KIF5A: variants seen among roughly 807,000 people sequenced by gnomAD.
KIF5A encodes kinesin family member 5A, also known as kinesin heavy chain isoform 5A.
Under a neutral mutation model 141.3 loss-of-function variants are expected in KIF5A, and 35 were observed. The observed-to-expected ratio is 0.25, with a 90% confidence interval of 0.19 to 0.33. The LOEUF (loss-of-function observed/expected upper bound fraction) is 0.33, where lower values mean the gene tolerates loss of function less well. Ranked by LOEUF, KIF5A falls within the 10% of genes least tolerant of loss-of-function variation. KIF5A has a pLI of 1.00. For synonymous variants in KIF5A, 448 were observed against 500.2 expected (o/e 0.90, Z 1.39); for missense variants, 861 against 1,314.3 (o/e 0.66, Z 5.33).
intron 1 of KIF5A, among the ~76,000 whole-genome samples, chr12:57,558,368 C>T (rs1881808872): frequency 2.0e-5 from 3 of 151,750 alleles, no homozygotes; most frequent in Admixed American, 6.6e-5. Flanking sequence ...GGTGAAACCT[C>T]GTCTCTACTA....
chr12:57,582,878 C>T (rs538213741), intron 27 of KIF5A: 65 of 638,198 alleles, frequency 1.0e-4, no homozygotes, highest in African/African-American at 7.6e-4. Context: ...ACGAAAACAA[C>T]GTGGGCATCT....
At chr12:57,557,508 C>T (rs1005212081) in intron 1 of KIF5A, among the ~76,000 whole-genome samples, 8 of 151,894 alleles carry the variant, frequency 5.3e-5, no homozygotes, top group Non-Finnish European at 8.8e-5. Context: ...AATATCTTAC[C>T]ACCCCAAAGA....
chr12:57,573,736 G>A (rs1007430579), intron 15 of KIF5A, among the ~76,000 whole-genome samples: 7 of 151,808 alleles, frequency 4.6e-5, no homozygotes, highest in Admixed American at 3.3e-4. Flanking sequence ...GGCTGAGGCA[G>A]GGGAATCGCT....
chr12:57,570,217 G>C, intron 12 of KIF5A, 55 bp downstream of exon 12: 1 of 1,556,580 alleles, frequency 6.4e-7, no homozygotes, highest in Non-Finnish European at 8.8e-7. Flanking sequence ...AGAGGTAGAC[G>C]ATCAAAGAAA....
rs952855483 is a variant in KIF5A at position 57,585,311 on chromosome 12, G to A, written c.*1130G>A. The stretch of plus-strand genomic sequence containing the variant: ...TGTACATTTTTTTTTTCTCCACAAA[G>A]AGTTCCTTCTCTAATGTCCCCATCT... On this transcript the variant is annotated 3_prime_UTR_variant, in exon 29 of 29. Transcript: ENST00000455537. 1 of 154,060 alleles carries A rather than the reference G, an allele frequency of 6.5e-6. No homozygotes were observed. Among genetic ancestry groups the A allele is most frequent in the African/African-American group, 2.4e-5 (1 of 41,400 alleles). 9.5% of individuals were successfully genotyped at this position (154,060 alleles called of 1,614,324 possible).
At chr12:57,563,577 C>T (rs1179732687) in intron 2 of KIF5A, 43 bp from the exon 3 acceptor site, 20 of 1,608,226 alleles carry the variant, frequency 1.2e-5, no homozygotes, top group East Asian at 2.2e-5. Context: ...ATTTCCTACC[C>T]GACCTATCTC....
chr12:57,567,470 C>T, intron 7 of KIF5A, 24 bp from the exon 8 acceptor site: 2 of 1,612,200 alleles, frequency 1.2e-6, no homozygotes, highest in Non-Finnish European at 8.5e-7. Flanking sequence ...TGGTGCAGGT[C>T]CTGTTTCTCC....
rs1032898044 is a variant in KIF5A, at chr12:57,585,740, C to T, written c.*1559C>T. ...ATGACTCCTTCAAGGAAAAGAGGCC[C>T]TGCTCCCTTTACCTGCTGAGCTCCT... On this transcript the variant is annotated 3_prime_UTR_variant, in exon 29 of 29. Coordinates refer to ENST00000455537, the MANE Select transcript of KIF5A (RefSeq NM_004984.4). The T allele has an allele frequency of 6.6e-6, 1 of 152,238 alleles. No homozygotes were observed. The highest frequency in any genetic ancestry group is 2.4e-5 in the African/African-American group (1 of 41,450). The allele number at this position is 152,238 out of a possible 1,614,324, so 9.4% of individuals were successfully genotyped here.
chr12:57,570,912 C>T (rs2140164442), intron 12 of KIF5A, among the ~76,000 whole-genome samples: 1 of 151,824 alleles, frequency 6.6e-6, no homozygotes, highest in East Asian at 1.9e-4. Context: ...CCAACCTCAG[C>T]CTCTGAAAGA....
intron 28 of KIF5A, 85 bp downstream of exon 28, chr12:57,583,300 T>A: frequency 3.2e-6 from 1 of 312,276 alleles, no homozygotes; most frequent in Non-Finnish European, 5.4e-6. Flanking sequence ...CTGCTGCTTC[T>A]TTTTTTTTTT....
chr12:57,559,785 G>T (rs1361104186), intron 1 of KIF5A, among the ~76,000 whole-genome samples: 1 of 152,206 alleles, frequency 6.6e-6, no homozygotes, highest in Non-Finnish European at 1.5e-5. Context: ...AACTTCATAT[G>T]AAGGGAGTAA....
At chr12:57,583,320 A>C in intron 28 of KIF5A, 105 bp downstream of exon 28, 1 of 696,708 alleles carries the variant, frequency 1.4e-6, no homozygotes. Flanking sequence ...TATCACCTCA[A>C]AACTTTAATT....
At position 57,550,090 on chromosome 12, in the gene KIF5A, C is replaced by A; in HGVS notation, c.-182C>A. 1 of 734,928 alleles carries A rather than the reference C, an allele frequency of 1.4e-6. No individual in the cohort carries two copies. 45.5% of individuals were successfully genotyped at this position (734,928 alleles called of 1,614,324 possible). On this transcript the variant is annotated 5_prime_UTR_variant, in exon 1 of 29. Coordinates refer to ENST00000455537, the MANE Select transcript of KIF5A (RefSeq NM_004984.4). The surrounding 1 kb of genome is among the most constrained non-coding windows in gnomAD (Gnocchi z 4.6). ...CGCCCAGGTCGCCCGCATCCCGCTGCCGCAGGAGAGAGACAGCGCGCCCCG... is the reference window on the plus strand; with the variant it reads ...CGCCCAGGTCGCCCGCATCCCGCTGACGCAGGAGAGAGACAGCGCGCCCCG...
chr12:57,567,411 G>A, intron 7 of KIF5A, 83 bp from the exon 8 acceptor site: 1 of 1,567,788 alleles, frequency 6.4e-7, no homozygotes, highest in Non-Finnish European at 8.7e-7. Context: ...TGGGTGGGCG[G>A]GGCTGGGGTC....
intron 7 of KIF5A, 58 bp from the exon 8 acceptor site, chr12:57,567,436 G>A (rs970693890): frequency 6.2e-6 from 10 of 1,606,224 alleles, no homozygotes; most frequent in East Asian, 2.2e-5. Context: ...GAAGCCGGGG[G>A]CTGAGGACCT....
Position 57,563,705 on chromosome 12 carries a change from G to A in KIF5A, c.291+12G>A. 6.2e-7 allele frequency: 1 copy of A among 1,612,140 alleles called. No homozygotes were observed. The highest frequency in any genetic ancestry group is 8.5e-7 in the Non-Finnish European group (1 of 1,178,196). The stretch of plus-strand genomic sequence containing the variant: ...CACATACCATGGAGGTGAGGGTTCT[G>A]GCTTTGGTGGTTGAGGGGCTAGGAG... On this transcript the variant is annotated intron_variant, in intron 3 of 28. Coordinates refer to ENST00000455537, the MANE Select transcript of KIF5A (RefSeq NM_004984.4).
intron 1 of KIF5A, among the ~76,000 whole-genome samples, chr12:57,556,082 T>A (rs1049361950): frequency 6.6e-6 from 1 of 151,680 alleles, no homozygotes; most frequent in African/African-American, 2.4e-5. Flanking sequence ...TCATATCTCA[T>A]GTCACATGGC....
chr12:57,550,344 C>G lies in KIF5A; in HGVS notation c.73C>G (p.Leu25Val). ...RFRPLNQAEI[L>V]RGDKFIPIFQ... ...CCGGCCCCTGAACCAGGCTGAGATT[C>G]TGCGGGGAGACAAGTTCATCCCCAT... is the stretch of plus-strand genomic sequence containing the variant. Residue 25 changes from leucine (L) to valine (V), a missense_variant, in exon 1 of 29, where the codon CTG becomes GTG. Physicochemically the swap from Leu to Val is conservative, Grantham distance 32. Coordinates refer to ENST00000455537, the MANE Select transcript of KIF5A (RefSeq NM_004984.4). This position sits in a 1 kb window ranked among gnomAD's most constrained non-coding sequence, Gnocchi z 4.6. 1 of 1,614,222 alleles carries G rather than the reference C, an allele frequency of 6.2e-7. No homozygotes were observed. Among genetic ancestry groups the G allele is most frequent in the South Asian group, 1.1e-5 (1 of 91,088 alleles).
intron 1 of KIF5A, among the ~76,000 whole-genome samples, chr12:57,557,254 A>AT (rs1881774609): frequency 1.3e-5 from 2 of 151,606 alleles, no homozygotes; most frequent in Non-Finnish European, 3.0e-5. Context: ...GAAAAAGGAA[A>AT]TTAAAAAAAA....
Sources: allele counts gnomAD v4.1 joint callset (sites outside exome capture counted in the v4.1 genomes callset), GRCh38; gene constraint gnomAD v4.1.1; non-coding constraint Gnocchi (gnomAD v3.1); transcripts MANE v1.5; gene names NCBI Gene and HGNC (gene_info 2026-07-23, HGNC 2026-07-21).